PTPRM: variants seen among roughly 807,000 people sequenced by gnomAD.
The protein encoded by PTPRM is protein tyrosine phosphatase receptor type M, also known as receptor-type tyrosine-protein phosphatase mu.
In PTPRM, 47 loss-of-function variants were observed where a neutral mutation model predicts 186.7. The observed-to-expected ratio is 0.25, with a 90% confidence interval of 0.20 to 0.32. PTPRM has a LOEUF of 0.32. Ranked by LOEUF, PTPRM falls within the 10% of genes least tolerant of loss-of-function variation. The pLI is 1.00. For synonymous variants in PTPRM, 668 were observed against 674.9 expected (o/e 0.99, Z 0.16); for missense variants, 1,494 against 1,865.0 (o/e 0.80, Z 3.66).
intron 1 of PTPRM, among the ~76,000 whole-genome samples, chr18:7,689,852 T>C (rs573633806): frequency 6.6e-6 from 1 of 152,188 alleles, no homozygotes; most frequent in African/African-American, 2.4e-5. Context: ...ACACTCAGTG[T>C]TTTTACTGAA....
At chr18:7,658,784 T>G (rs896202127) in intron 1 of PTPRM, among the ~76,000 whole-genome samples, 3 of 152,212 alleles carry the variant, frequency 2.0e-5, no homozygotes, top group Non-Finnish European at 4.4e-5. Context: ...ATAGACTGAA[T>G]GGTGAATGTT....
At chr18:7,713,225 T>C (rs2040249805) in intron 1 of PTPRM, among the ~76,000 whole-genome samples, 1 of 152,132 alleles carries the variant, frequency 6.6e-6, no homozygotes, top group South Asian at 2.1e-4. Flanking sequence ...TCAACATTCT[T>C]AAGAAAAGAA....
At chr18:8,330,549 C>A (rs530986514) in intron 22 of PTPRM, among the ~76,000 whole-genome samples, 1 of 152,190 alleles carries the variant, frequency 6.6e-6, no homozygotes, top group Non-Finnish European at 1.5e-5. Flanking sequence ...TGGCAGTAGC[C>A]CCTGAAGCAT....
chr18:7,952,641 A>G (rs944733518), intron 6 of PTPRM, among the ~76,000 whole-genome samples: 1 of 150,694 alleles, frequency 6.6e-6, no homozygotes. Context: ...GCTTGCAGTG[A>G]GCCAAGATGG....
intron 7 of PTPRM, among the ~76,000 whole-genome samples, chr18:8,007,792 A>C (rs1397108517): frequency 6.6e-6 from 1 of 152,224 alleles, no homozygotes; most frequent in Non-Finnish European, 1.5e-5. Context: ...CATTCCAAAC[A>C]TGGGAATGAT....
chr18:8,075,708 T>C (rs1264046630), intron 8 of PTPRM, among the ~76,000 whole-genome samples: 1 of 152,130 alleles, frequency 6.6e-6, no homozygotes, highest in Admixed American at 6.6e-5. Flanking sequence ...AAATCACATA[T>C]AGTATTAACA....
intron 1 of PTPRM, among the ~76,000 whole-genome samples, chr18:7,653,931 C>T (rs1253824938): frequency 6.6e-6 from 1 of 152,174 alleles, no homozygotes; most frequent in Non-Finnish European, 1.5e-5. Context: ...TACACTCCCA[C>T]CACCAGTGTA....
In PTPRM at chr18:8,202,082, G is replaced by A. The variant is rs182272576; in HGVS notation, c.2301-41976G>A. Among the ~76,000 whole-genome samples the A allele has an allele frequency of 3.0e-3, 458 of 152,298 alleles. 2 individuals carry two copies. The highest frequency in any genetic ancestry group is 3.1e-3 in the Non-Finnish European group (213 of 68,022). ...GAAAAAGTACTGGAATATTAAATGTGTTGTTCAAATTTGATGCTGATGCTT... is the reference window on the plus strand; with the variant it reads ...GAAAAAGTACTGGAATATTAAATGTATTGTTCAAATTTGATGCTGATGCTT... On this transcript the variant is annotated intron_variant, in intron 14 of 32. Coordinates refer to ENST00000580170, the MANE Select transcript of PTPRM (RefSeq NM_001105244.2).
intron 5 of PTPRM, among the ~76,000 whole-genome samples, chr18:7,927,036 A>G (rs1423136103): frequency 6.6e-6 from 1 of 152,126 alleles, no homozygotes; most frequent in Non-Finnish European, 1.5e-5. Flanking sequence ...TCTCTCTTAC[A>G]CACATACACA....
intron 7 of PTPRM, among the ~76,000 whole-genome samples, chr18:7,965,623 C>A (rs112239444): frequency 1.4e-3 from 210 of 152,204 alleles, no homozygotes; most frequent in African/African-American, 4.9e-3. Context: ...TCAGAGCGGG[C>A]AAAGCCAGTC....
intron 23 of PTPRM, among the ~76,000 whole-genome samples, chr18:8,368,263 A>C (rs2095644159): frequency 6.6e-6 from 1 of 151,704 alleles, no homozygotes; most frequent in Non-Finnish European, 1.5e-5. Context: ...TTGAAATGAA[A>C]TCATTGTTAC....
intron 1 of PTPRM, among the ~76,000 whole-genome samples, chr18:7,735,061 G>C (rs1270459087): frequency 1.3e-5 from 2 of 152,178 alleles, no homozygotes; most frequent in Non-Finnish European, 2.9e-5. Context: ...TGGGGACCAG[G>C]CATGCCTCAT....
At chr18:8,027,968 G>A (rs2085678795) in intron 7 of PTPRM, among the ~76,000 whole-genome samples, 1 of 151,880 alleles carries the variant, frequency 6.6e-6, no homozygotes, top group African/African-American at 2.4e-5. Context: ...CCCCTGGTTA[G>A]TTGTCTTTAT....
At chr18:7,772,805 A>T (rs1053575373) in intron 1 of PTPRM, among the ~76,000 whole-genome samples, 5 of 152,184 alleles carry the variant, frequency 3.3e-5, no homozygotes, top group African/African-American at 1.2e-4. Context: ...TAATGTAAAA[A>T]TATTCTTAAA....
At chr18:8,360,028 A>G (rs921355824) in intron 23 of PTPRM, among the ~76,000 whole-genome samples, 9 of 152,336 alleles carry the variant, frequency 5.9e-5, no homozygotes, top group Admixed American at 5.2e-4. Flanking sequence ...CTGGCCACAT[A>G]AATACATGAG....
intron 24 of PTPRM, chr18:8,371,662 C>G (rs2095663372): frequency 1.3e-5 from 2 of 152,696 alleles, no homozygotes; most frequent in South Asian, 4.1e-4. Flanking sequence ...TGGTTCTGCC[C>G]TGCCTCATCC....
chr18:7,568,042 C>A lies in PTPRM; in HGVS notation c.73+151C>A. 1 of 741,844 alleles carries A rather than the reference C, an allele frequency of 1.3e-6. No homozygotes were observed. Among genetic ancestry groups the A allele is most frequent in the Non-Finnish European group, 1.9e-6 (1 of 530,784 alleles). 46.0% of individuals were successfully genotyped at this position (741,844 alleles called of 1,614,324 possible). On this transcript the variant is annotated intron_variant, in intron 1 of 32. Transcript: ENST00000580170. This position sits in a 1 kb window ranked among gnomAD's most constrained non-coding sequence, Gnocchi z 5.1. ...CCGGACACCGCTTCTGCCTGTGAGCCGGGCGCTGGGCGAGGGGCCGTGGGG... is the reference window on the plus strand; with the variant it reads ...CCGGACACCGCTTCTGCCTGTGAGCAGGGCGCTGGGCGAGGGGCCGTGGGG...
intron 20 of PTPRM, among the ~76,000 whole-genome samples, chr18:8,309,047 A>G (rs1479812036): frequency 3.3e-5 from 5 of 152,212 alleles, no homozygotes; most frequent in Non-Finnish European, 7.3e-5. Context: ...TTCATTACTA[A>G]ATAGCATTCC....
At chr18:8,249,368 A>G (rs2094506606) in intron 17 of PTPRM, among the ~76,000 whole-genome samples, 1 of 152,168 alleles carries the variant, frequency 6.6e-6, no homozygotes, top group Non-Finnish European at 1.5e-5. Flanking sequence ...TAAATTTTGC[A>G]TCATTCTGAG....
Sources: allele counts gnomAD v4.1 joint callset (sites outside exome capture counted in the v4.1 genomes callset), GRCh38; gene constraint gnomAD v4.1.1; non-coding constraint Gnocchi (gnomAD v3.1); transcripts MANE v1.5; gene names NCBI Gene and HGNC (gene_info 2026-07-23, HGNC 2026-07-21).